NDUFB6: variants seen among roughly 807,000 people sequenced by gnomAD.
NDUFB6 encodes the protein NADH dehydrogenase [ubiquinone] 1 beta subcomplex subunit 6.
In NDUFB6, 23 loss-of-function variants were observed where a neutral mutation model predicts 17.5. The ratio of observed to expected loss-of-function variants is 1.31; its 90% confidence interval spans 0.94 to 1.86. The LOEUF (loss-of-function observed/expected upper bound fraction) is 1.86, where lower values mean the gene tolerates loss of function less well. Among genes scored for constraint, NDUFB6 ranks in the 40% most tolerant of loss-of-function variants. The pLI is 0.00. For synonymous variants in NDUFB6, 60 were observed against 53.5 expected, an observed-to-expected ratio of 1.12 and a Z score of -0.53; for missense variants, 167 against 153.8, an observed-to-expected ratio of 1.09 and a Z score of -0.46.
intron 2 of NDUFB6, among the ~76,000 whole-genome samples, chr9:32,569,513 C>T (rs994885141): frequency 4.6e-5 from 7 of 152,074 alleles, no homozygotes; most frequent in East Asian, 1.9e-4. Flanking sequence ...CCACCGTGCC[C>T]GGCCTGTTTT....
chr9:32,570,837 A>C, intron 2 of NDUFB6, 123 bp downstream of exon 2: 1 of 589,430 alleles, frequency 1.7e-6, no homozygotes, highest in Non-Finnish European at 2.9e-6. Flanking sequence ...ACCTAAGAGA[A>C]TTCAAAGTAC....
At chr9:32,567,286 T>C (rs1338808711) in intron 2 of NDUFB6, 1 of 471,604 alleles carries the variant, frequency 2.1e-6, no homozygotes, top group Admixed American at 2.3e-5. Context: ...GCCATTTTGC[T>C]AACAGCATGT....
In NDUFB6 at chr9:32,561,075, C is replaced by T. The variant is rs151331698; in HGVS notation, c.274-2121G>A. On this transcript the variant is annotated intron_variant, in intron 2 of 3. Transcript: ENST00000379847. ...TGAAATGAAGTAGCCTTTTTATGAA[C>T]ATAAACTTTTTTAAAGCCCATCAAC... 2.3e-3 allele frequency among the ~76,000 whole-genome samples: 349 copies of T among 152,210 alleles called. 2 individuals carry two copies. Among genetic ancestry groups the T allele is most frequent in the African/African-American group, 8.0e-3 (334 of 41,552 alleles).
At chr9:32,563,057 T>G (rs1821672376) in intron 2 of NDUFB6, among the ~76,000 whole-genome samples, 2 of 152,258 alleles carry the variant, frequency 1.3e-5, no homozygotes, top group African/African-American at 4.8e-5. Flanking sequence ...AGTTTGGGTT[T>G]ATCTTCTGTT....
At chr9:32,562,307 G>A (rs1290783459) in intron 2 of NDUFB6, among the ~76,000 whole-genome samples, 3 of 152,106 alleles carry the variant, frequency 2.0e-5, no homozygotes, top group Admixed American at 6.5e-5. Flanking sequence ...TAGGCACTCC[G>A]TACTTGTTAA....
rs1427314900 is a variant in NDUFB6 at position 32,553,656 on chromosome 9, G to A, written c.*220C>T. On this transcript the variant is annotated 3_prime_UTR_variant, in exon 4 of 4. Coordinates refer to ENST00000379847, the MANE Select transcript of NDUFB6 (RefSeq NM_002493.5). ...TTTTCCATACCGTTTTCCAAGTCAAGAATGACCAGAAAAAGTAGGTAGTCT... is the reference window on the plus strand; with the variant it reads ...TTTTCCATACCGTTTTCCAAGTCAAAAATGACCAGAAAAAGTAGGTAGTCT... 2.0e-6 allele frequency: 1 copy of A among 501,098 alleles called. No homozygotes were observed. The highest frequency in any genetic ancestry group is 3.6e-6 in the Non-Finnish European group (1 of 281,374). The allele number at this position is 501,098 out of a possible 1,614,324, so 31.0% of individuals were successfully genotyped here. A position where few individuals can be genotyped will look rare whatever the true frequency, so the allele number is the denominator to read the frequency against.
intron 2 of NDUFB6, among the ~76,000 whole-genome samples, chr9:32,563,699 A>T (rs2119019382): frequency 6.6e-6 from 1 of 152,158 alleles, no homozygotes; most frequent in Non-Finnish European, 1.5e-5. Flanking sequence ...AATTTTTCTA[A>T]TTCTATCATT....
chr9:32,572,451 C>T (rs964583336), intron 1 of NDUFB6, among the ~76,000 whole-genome samples: 10 of 152,188 alleles, frequency 6.6e-5, no homozygotes, highest in Non-Finnish European at 8.8e-5. Context: ...CAGCTAGGGG[C>T]TGGCTGTGCC....
At chr9:32,567,674 C>T in intron 2 of NDUFB6, 1 of 346,602 alleles carries the variant, frequency 2.9e-6, no homozygotes, top group South Asian at 2.4e-5. Context: ...GTAATCTGCA[C>T]TCAGTGATTT....
intron 2 of NDUFB6, chr9:32,566,961 G>C: frequency 1.9e-6 from 1 of 517,462 alleles, no homozygotes; most frequent in South Asian, 1.8e-5. Context: ...GCACCAGCTC[G>C]GCATCGTCGA....
At chr9:32,567,487 G>A (rs1014211077) in intron 2 of NDUFB6, 37 of 425,666 alleles carry the variant, frequency 8.7e-5, no homozygotes, top group Non-Finnish European at 1.3e-4. Context: ...CACCAAGCCC[G>A]GCTAATTTTT....
intron 2 of NDUFB6, among the ~76,000 whole-genome samples, chr9:32,569,385 A>AT (rs1331828890): frequency 1.3e-5 from 2 of 151,366 alleles, no homozygotes; most frequent in African/African-American, 2.4e-5. Flanking sequence ...TGCCCAGCTC[A>AT]TTTTTTTTAT....
At chr9:32,560,840 A>C (rs1459221726) in intron 2 of NDUFB6, among the ~76,000 whole-genome samples, 2 of 152,216 alleles carry the variant, frequency 1.3e-5, no homozygotes, top group Non-Finnish European at 2.9e-5. Context: ...ATAGAATTTT[A>C]AAACTGAATT....
In NDUFB6 at chr9:32,571,037, TG is replaced by T. The variant is rs1821929567; in HGVS notation, c.195del (p.Tyr65Ter). 2 of 1,603,650 alleles carry T rather than the reference TG, an allele frequency of 1.2e-6. No individual in the cohort carries two copies. Among genetic ancestry groups the T allele is most frequent in the African/African-American group, 1.3e-5 (1 of 74,630 alleles). ...SPWRKMVHGV[Y>X]KKSIFVFTHV... is the part of the protein sequence containing the mutation. ...TGAGTGAAAACAAAGATACTCTTTT[TG>T]TATACCCCATGGACCTGGGGGGAAA... On this transcript the variant is annotated frameshift_variant, in exon 2 of 4. Transcript: ENST00000379847. LOFTEE classifies it high-confidence loss of function.
chr9:32,554,957 T>A (rs962749442), intron 3 of NDUFB6, among the ~76,000 whole-genome samples: 1 of 152,194 alleles, frequency 6.6e-6, no homozygotes, highest in Admixed American at 6.5e-5. Context: ...GTTTGGATCC[T>A]TGGGATCCTT....
At chr9:32,568,199 T>C (rs1821853824) in intron 2 of NDUFB6, 2 of 168,780 alleles carry the variant, frequency 1.2e-5, no homozygotes, top group African/African-American at 4.8e-5. Flanking sequence ...AACAAGAGTT[T>C]GGAAGAAGTT....
chr9:32,553,199 CTTTT>C lies in NDUFB6; in HGVS notation c.*673_*676del, dbSNP rs539102970. 2 of 225,590 alleles carry C rather than the reference CTTTT, an allele frequency of 8.9e-6. No homozygotes were observed. The highest frequency in any genetic ancestry group is 5.6e-5 in the Admixed American group (1 of 17,948). The allele number at this position is 225,590 out of a possible 1,614,324, so 14.0% of individuals were successfully genotyped here. ...AATTCTTCAAAAATGATTCGGAAAG[CTTTT>C]TTTTTTTTTGAGACGGAGTCTTGCT... is the stretch of plus-strand genomic sequence containing the variant. On this transcript the variant is annotated 3_prime_UTR_variant, in exon 4 of 4. Transcript: ENST00000379847.
rs1563992915 is a variant in NDUFB6 at position 32,558,958 on chromosome 9, T to C, written c.274-4A>G. On this transcript the variant is annotated splice_region_variant and splice_polypyrimidine_tract_variant and intron_variant, in intron 2 of 3. Coordinates refer to ENST00000379847, the MANE Select transcript of NDUFB6 (RefSeq NM_002493.5). ...CAACTATGCCATATGGTTTTTCCTG[T>C]AATAAAAGTTAACTCTGTGTTAATT... 1 of 1,575,724 alleles carries C rather than the reference T, an allele frequency of 6.3e-7. No individual in the cohort carries two copies. Among genetic ancestry groups the C allele is most frequent in the South Asian group, 1.1e-5 (1 of 88,806 alleles).
intron 2 of NDUFB6, among the ~76,000 whole-genome samples, chr9:32,562,875 C>T (rs1821665009): frequency 6.6e-6 from 1 of 152,172 alleles, no homozygotes. Context: ...CTGCCAACAC[C>T]GTCACTGTTC....
Sources: gnomAD v4.1 joint callset for allele counts (sites outside exome capture counted in the v4.1 genomes callset) on GRCh38, gnomAD v4.1.1 for gene constraint, MANE v1.5 for transcripts, NCBI Gene and HGNC (gene_info 2026-07-23, HGNC 2026-07-21) for gene names.